AADAT: variants seen among roughly 807,000 people sequenced by gnomAD.
AADAT encodes the protein kynurenine/alpha-aminoadipate aminotransferase, mitochondrial.
AADAT carries 25 observed loss-of-function variants against 56.2 expected under a neutral mutation model. The observed-to-expected ratio is 0.44, with a 90% confidence interval of 0.32 to 0.62. AADAT has a LOEUF of 0.62. Among genes scored for constraint, AADAT ranks in the 20% least tolerant of loss-of-function variants. The pLI is 0.04. For missense variants in AADAT, 387 were observed against 510.5 expected (o/e 0.76, Z 2.33); for synonymous variants, 173 against 164.7 (o/e 1.05, Z -0.39).
chr4:170,072,032 C>T (rs1308236492), intron 5 of AADAT, among the ~76,000 whole-genome samples: 3 of 151,966 alleles, frequency 2.0e-5, no homozygotes, highest in Non-Finnish European at 4.4e-5. Flanking sequence ...GAGGTATCAG[C>T]AGAAAGGTGG....
intron 3 of AADAT, 130 bp downstream of exon 3, chr4:170,086,986 A>G (rs1368169915): frequency 1.5e-6 from 2 of 1,326,996 alleles, no homozygotes; most frequent in Non-Finnish European, 2.1e-6. Flanking sequence ...CCTGTTTATA[A>G]TTCTAGGTGA....
At chr4:170,067,757 T>A (rs888226836) in intron 8 of AADAT, among the ~76,000 whole-genome samples, 2 of 152,214 alleles carry the variant, frequency 1.3e-5, no homozygotes, top group African/African-American at 4.8e-5. Context: ...GCGCTGTTAA[T>A]TGCCATACTG....
intron 3 of AADAT, among the ~76,000 whole-genome samples, chr4:170,080,773 G>T (rs1430586105): frequency 6.6e-6 from 1 of 152,124 alleles, no homozygotes; most frequent in Admixed American, 6.5e-5. Context: ...AGGAAGCAGT[G>T]ACCCAACAAT....
chr4:170,089,008 T>C (rs906733090), intron 1 of AADAT, among the ~76,000 whole-genome samples: 2 of 152,176 alleles, frequency 1.3e-5, no homozygotes, highest in Admixed American at 1.3e-4. Flanking sequence ...AATAATTCTA[T>C]TGTTCATAAA....
At chr4:170,071,612 G>T (rs1731767922) in intron 5 of AADAT, among the ~76,000 whole-genome samples, 1 of 152,202 alleles carries the variant, frequency 6.6e-6, no homozygotes, top group African/African-American at 2.4e-5. Flanking sequence ...AGAACCCGGA[G>T]CCGGGCTTTA....
At chr4:170,073,400 T>G (rs1367529555) in intron 4 of AADAT, 55 bp from the exon 5 acceptor site, 6 of 1,438,898 alleles carry the variant, frequency 4.2e-6, no homozygotes, top group Non-Finnish European at 5.5e-6. Context: ...GTAAGTGCTA[T>G]TGGTTTTTTT....
chr4:170,073,396 G>T, intron 4 of AADAT, 51 bp from the exon 5 acceptor site: 1 of 1,456,658 alleles, frequency 6.9e-7, no homozygotes, highest in Admixed American at 2.5e-5. Context: ...AAATGTAAGT[G>T]CTATTGGTTT....
At chr4:170,091,109 GC>G (rs1301128591), upstream of AADAT, among the ~76,000 whole-genome samples, 1 of 152,236 alleles carries the variant, frequency 6.6e-6, no homozygotes, top group East Asian at 1.9e-4. Flanking sequence ...CGCCTCCTCG[GC>G]CTCAGCGCTC....
intron 3 of AADAT, among the ~76,000 whole-genome samples, chr4:170,079,230 T>A (rs1027469552): frequency 5.3e-5 from 8 of 152,220 alleles, no homozygotes; most frequent in Admixed American, 2.0e-4. Flanking sequence ...GAGGAAGCGA[T>A]GAGTTGGTGT....
chr4:170,092,803 A>G (rs139803593), upstream of AADAT, among the ~76,000 whole-genome samples: 404 of 152,364 alleles, frequency 2.7e-3, no homozygotes, highest in Non-Finnish European at 4.7e-3. Flanking sequence ...TAAAAACGCT[A>G]TGAACATTGG....
Position 170,073,284 on chromosome 4 carries a change from T to C in AADAT, c.506A>G (p.Asp169Gly). ...VASDESGIVPDSLRDILSRWK... is the reference protein window; with the variant it reads ...VASDESGIVPGSLRDILSRWK... The stretch of plus-strand genomic sequence containing the variant: ...TCTGGAAAGTATGTCTCTTAGGGAA[T>C]CTGGAACAATCCCACTTTCATCACT... The change falls in exon 5 of 13, where the codon GAT (aspartate) becomes GGT (glycine). Residue 169 changes from aspartate to glycine, a missense_variant. By Grantham distance (94) the Asp-to-Gly change is moderately conservative (BLOSUM62 -1). Coordinates refer to ENST00000337664, the MANE Select transcript of AADAT (RefSeq NM_016228.4). 1.2e-6 allele frequency: 2 copies of C among 1,614,090 alleles called. No homozygotes were observed. The highest frequency in any genetic ancestry group is 1.7e-6 in the Non-Finnish European group (2 of 1,180,000).
chr4:170,073,746 G>A (rs967254966), intron 4 of AADAT, among the ~76,000 whole-genome samples: 6 of 152,034 alleles, frequency 3.9e-5, no homozygotes, highest in Non-Finnish European at 5.9e-5. Context: ...TGATCCGCCC[G>A]CCTTGGCCTC....
intron 7 of AADAT, among the ~76,000 whole-genome samples, chr4:170,068,947 T>TA (rs1731620505): frequency 6.6e-6 from 1 of 152,106 alleles, no homozygotes; most frequent in African/African-American, 2.4e-5. Context: ...CAACTTTAGA[T>TA]AAACAGCCAA....
chr4:170,087,363 C>T lies in AADAT; in HGVS notation c.237-115G>A, dbSNP rs866134630. On this transcript the variant is annotated intron_variant, in intron 2 of 12. Transcript: ENST00000337664. ...GCACTTTGTACACTCAATTAAAAAA[C>T]CCTCAAATGCTTTTTGCCAGTATGA... 5.3e-6 allele frequency: 5 copies of T among 945,228 alleles called. No individual in the cohort carries two copies. The East Asian group carries it at 1.1e-4, about 21-fold the overall frequency. The allele number at this position is 945,228 out of a possible 1,614,324, so 58.6% of individuals were successfully genotyped here. A position where few individuals can be genotyped will look rare whatever the true frequency, so the allele number is the denominator to read the frequency against.
At chr4:170,083,859 T>C (rs939695967) in intron 3 of AADAT, among the ~76,000 whole-genome samples, 1 of 152,172 alleles carries the variant, frequency 6.6e-6, no homozygotes, top group African/African-American at 2.4e-5. Flanking sequence ...AGAACTACCA[T>C]ATAATCCTGC....
At chr4:170,084,028 C>G (rs1009989079) in intron 3 of AADAT, among the ~76,000 whole-genome samples, 2 of 152,136 alleles carry the variant, frequency 1.3e-5, no homozygotes, top group African/African-American at 4.8e-5. Flanking sequence ...ATGTGGTATA[C>G]ACACAATGGA....
intron 11 of AADAT, among the ~76,000 whole-genome samples, chr4:170,063,766 CA>C (rs1731310121): frequency 6.6e-6 from 1 of 152,098 alleles, no homozygotes; most frequent in African/African-American, 2.4e-5. Flanking sequence ...TGATTCAAGA[CA>C]AAAGTGAATC....
chr4:170,076,697 T>TA, intron 4 of AADAT, among the ~76,000 whole-genome samples: 1 of 152,338 alleles, frequency 6.6e-6, no homozygotes, highest in East Asian at 1.9e-4. Flanking sequence ...TAATGTCCTT[T>TA]GATACACAAC....
chr4:170,062,664 A>G (rs1731251768), intron 11 of AADAT, among the ~76,000 whole-genome samples: 2 of 152,194 alleles, frequency 1.3e-5, no homozygotes, highest in South Asian at 2.1e-4. Flanking sequence ...TGGGCATCAC[A>G]TGTACCCTAT....
Sources: allele counts gnomAD v4.1 joint callset (sites outside exome capture counted in the v4.1 genomes callset), GRCh38; gene constraint gnomAD v4.1.1; transcripts MANE v1.5; gene names NCBI Gene and HGNC (gene_info 2026-07-23, HGNC 2026-07-21).